XKR9: variants seen among roughly 807,000 people sequenced by gnomAD.
XKR9 encodes the protein XK-related protein 9.
XKR9 carries 32 observed loss-of-function variants against 32.0 expected under a neutral mutation model. That is an observed-to-expected ratio of 1.00 (90% CI 0.76 to 1.34). The LOEUF (loss-of-function observed/expected upper bound fraction) is 1.34. Ranked by LOEUF, XKR9 falls within the 40% of genes most tolerant of loss-of-function variation. The probability of loss-of-function intolerance (pLI) is 0.00; values close to 1 mark genes in which losing one functional copy is unlikely to be tolerated. For synonymous variants in XKR9, 168 were observed against 143.4 expected, an observed-to-expected ratio of 1.17 and a Z score of -1.22; for missense variants, 546 against 429.7, an observed-to-expected ratio of 1.27 and a Z score of -2.39.
the XKR9 span, among the ~76,000 whole-genome samples, chr8:70,806,415 A>G: frequency 6.6e-6 from 1 of 152,208 alleles, no homozygotes; most frequent in Non-Finnish European, 1.5e-5. Context: ...ACGGATAATG[A>G]GATGGACAAA....
At chr8:70,809,386 G>A in the XKR9 span, among the ~76,000 whole-genome samples, 6 of 152,216 alleles carry the variant, frequency 3.9e-5, no homozygotes, top group African/African-American at 1.2e-4. Context: ...AAATCAGAAT[G>A]CCTCTCCTCC....
chr8:70,720,540 G>A (rs1212031611), intron 4 of XKR9, among the ~76,000 whole-genome samples: 3 of 152,128 alleles, frequency 2.0e-5, no homozygotes, highest in Non-Finnish European at 4.4e-5. Flanking sequence ...GGCCTTTTCT[G>A]CATCTGTTGA....
At chr8:70,802,558 G>C in the XKR9 span, among the ~76,000 whole-genome samples, 1 of 152,074 alleles carries the variant, frequency 6.6e-6, no homozygotes, top group African/African-American at 2.4e-5. Context: ...TGATTGTATT[G>C]TTTTATTGTG....
the XKR9 span, among the ~76,000 whole-genome samples, chr8:70,903,615 G>T: frequency 6.6e-6 from 1 of 151,958 alleles, no homozygotes; most frequent in Non-Finnish European, 1.5e-5. Flanking sequence ...TTTTTTAAAG[G>T]GTTTTTTGTG....
chr8:70,918,766 TC>T, the XKR9 span, among the ~76,000 whole-genome samples: 11 of 120,798 alleles, frequency 9.1e-5, no homozygotes, highest in Non-Finnish European at 1.8e-4. Context: ...GATCATGGGA[TC>T]CTTTTTTTTT....
intron 3 of XKR9, chr8:70,683,563 T>C (rs934932270): frequency 1.3e-5 from 6 of 452,204 alleles, no homozygotes; most frequent in Admixed American, 2.4e-5. Context: ...TCCCAGCTCA[T>C]TGCAGCCTCC....
chr8:70,712,636 GA>G (rs2132193312), intron 4 of XKR9, among the ~76,000 whole-genome samples: 1 of 152,212 alleles, frequency 6.6e-6, no homozygotes, highest in Admixed American at 6.5e-5. Flanking sequence ...GAGTAGAGCA[GA>G]GAAAAACGTC....
chr8:70,736,872 C>T (rs1424000852), downstream of XKR9, among the ~76,000 whole-genome samples: 4 of 151,642 alleles, frequency 2.6e-5, no homozygotes, highest in Non-Finnish European at 5.9e-5. Flanking sequence ...TTACTGTAGC[C>T]TTGTAGTATA....
chr8:70,674,058 T>C (rs974741407), intron 1 of XKR9, among the ~76,000 whole-genome samples: 1 of 151,778 alleles, frequency 6.6e-6, no homozygotes, highest in Non-Finnish European at 1.5e-5. Context: ...ATCCTAGCAC[T>C]GTTGGGAGGC....
At chr8:70,690,131 G>T (rs1054119039) in intron 3 of XKR9, among the ~76,000 whole-genome samples, 1 of 151,990 alleles carries the variant, frequency 6.6e-6, no homozygotes, top group Admixed American at 6.6e-5. Context: ...AGGTTTAGGG[G>T]TACATGTGAA....
Position 70,782,864 on chromosome 8 carries a change from T to G in XKR9, n.353-6475T>G, listed in dbSNP as rs542776585. Among the ~76,000 whole-genome samples, 5 of 152,312 alleles carry G rather than the reference T, an allele frequency of 3.3e-5. No homozygotes were observed. The East Asian group carries it at 9.7e-4, about 29-fold the overall frequency. ...ACTTGATTCCATAACTTGGCTATTGTGAATAGTGCTGCAATAAATGTAGGA... is the reference window on the plus strand; with the variant it reads ...ACTTGATTCCATAACTTGGCTATTGGGAATAGTGCTGCAATAAATGTAGGA... On this transcript the variant is annotated intron_variant and non_coding_transcript_variant, in intron 2 of 3. Transcript: ENST00000520273.
At chr8:70,805,008 ACAGTGGTGAT>A in the XKR9 span, among the ~76,000 whole-genome samples, 12 of 152,246 alleles carry the variant, frequency 7.9e-5, no homozygotes, top group Admixed American at 7.8e-4. Flanking sequence ...CAGACTAGAA[ACAGTGGTGAT>A]CAGAGGCTTC....
the XKR9 span, among the ~76,000 whole-genome samples, chr8:70,902,969 C>T: frequency 6.6e-6 from 1 of 152,140 alleles, no homozygotes; most frequent in Non-Finnish European, 1.5e-5. Context: ...TTGAACCAGC[C>T]TTGCATCCCA....
chr8:70,803,844 C>T, the XKR9 span, among the ~76,000 whole-genome samples: 1 of 152,200 alleles, frequency 6.6e-6, no homozygotes, highest in African/African-American at 2.4e-5. Context: ...TGACCAAGTG[C>T]TTCCTGGTAG....
the XKR9 span, among the ~76,000 whole-genome samples, chr8:71,046,085 T>C: frequency 6.6e-6 from 1 of 152,190 alleles, no homozygotes; most frequent in Non-Finnish European, 1.5e-5. Flanking sequence ...TCCAAGCTCA[T>C]GTAGCTACTG....
chr8:71,005,731 A>G, the XKR9 span, among the ~76,000 whole-genome samples: 6 of 152,232 alleles, frequency 3.9e-5, no homozygotes, highest in Non-Finnish European at 8.8e-5. Context: ...AGGAGAAGGA[A>G]TTGATCCTCA....
chr8:70,847,691 C>A, the XKR9 span, among the ~76,000 whole-genome samples: 2 of 151,830 alleles, frequency 1.3e-5, no homozygotes, highest in South Asian at 4.2e-4. Context: ...TTATTATGTT[C>A]AACTATACAT....
rs146437483 is a variant in XKR9, at chr8:70,679,449, T to TA, written c.-278-1329dup. The stretch of plus-strand genomic sequence containing the variant: ...CTCTCCACATTTTAGATGAAGAAAA[T>TA]AAAGTATAAGGCTGAAAAGAATACA... On this transcript the variant is annotated intron_variant, in intron 2 of 4. Transcript: ENST00000408926. Among the ~76,000 whole-genome samples, 240 of 152,194 alleles carry TA rather than the reference T, an allele frequency of 1.6e-3. 1 individual carries two copies. Among genetic ancestry groups the TA allele is most frequent in the African/African-American group, 5.6e-3 (232 of 41,530 alleles).
At chr8:70,791,910 A>G (rs1049323225), downstream of XKR9, among the ~76,000 whole-genome samples, 2 of 152,094 alleles carry the variant, frequency 1.3e-5, no homozygotes, top group African/African-American at 4.8e-5. Flanking sequence ...CTCTACAAGA[A>G]TTTCTATAGA....
Sources: gnomAD v4.1 joint callset for allele counts (sites outside exome capture counted in the v4.1 genomes callset) on GRCh38, gnomAD v4.1.1 for gene constraint, MANE v1.5 for transcripts, NCBI Gene and HGNC (gene_info 2026-07-23, HGNC 2026-07-21) for gene names.